ABCA12: variants seen among roughly 807,000 people sequenced by gnomAD.
ABCA12 encodes glucosylceramide transporter ABCA12.
ABCA12 carries 156 observed loss-of-function variants against 293.5 expected under a neutral mutation model. That is an observed-to-expected ratio of 0.53 (90% CI 0.47 to 0.61). The LOEUF (loss-of-function observed/expected upper bound fraction) is 0.61. Among genes scored for constraint, ABCA12 ranks in the 20% least tolerant of loss-of-function variants. The pLI, the probability that ABCA12 is intolerant of heterozygous loss-of-function variation, is 0.00. For missense variants in ABCA12, 2,797 were observed against 3,090.2 expected, an observed-to-expected ratio of 0.91 and a Z score of 2.25; for synonymous variants, 1,063 against 1,108.0, an observed-to-expected ratio of 0.96 and a Z score of 0.81.
At chr2:214,942,788 C>G in intron 50 of ABCA12, 137 bp downstream of exon 50, 1 of 699,426 alleles carries the variant, frequency 1.4e-6, no homozygotes, top group Non-Finnish European at 2.5e-6. Flanking sequence ...TAAGGTGAGT[C>G]AGTGACTAGC....
chr2:215,027,345 CA>C (rs1161249454), intron 9 of ABCA12, among the ~76,000 whole-genome samples: 4 of 148,582 alleles, frequency 2.7e-5, no homozygotes, highest in East Asian at 2.0e-4. Flanking sequence ...GACTCCATCT[CA>C]AAAAAAAAGA....
At chr2:214,995,060 C>G (rs1360098692) in intron 23 of ABCA12, among the ~76,000 whole-genome samples, 1 of 152,048 alleles carries the variant, frequency 6.6e-6, no homozygotes, top group South Asian at 2.1e-4. Flanking sequence ...AGAACAAAAC[C>G]CAATCGAAAG....
chr2:215,045,986 T>G lies in ABCA12; in HGVS notation c.723A>C (p.Ile241=). ...QLSSDPNNQK[I]VFQEIVRMLS... is the part of the protein sequence containing the mutation. The stretch of plus-strand genomic sequence containing the variant: ...GCATTCTGACTATTTCCTGAAACAC[T>G]ATCTTCTGATTGTTGGGGTCACTGG... Residue 241 remains isoleucine (I), a synonymous_variant, in exon 7 of 53, where the codon ATA becomes ATC. Coordinates refer to ENST00000272895, the MANE Select transcript of ABCA12 (RefSeq NM_173076.3). The G allele has an allele frequency of 6.2e-7, 1 of 1,613,660 alleles. No individual in the cohort carries two copies.
chr2:214,983,083 A>G (rs1699704743), intron 29 of ABCA12, among the ~76,000 whole-genome samples: 1 of 152,210 alleles, frequency 6.6e-6, no homozygotes, highest in Non-Finnish European at 1.5e-5. Flanking sequence ...GAGCAGGCCT[A>G]GGACAGTCAC....
At chr2:215,123,355 G>T (rs1243208603) in intron 1 of ABCA12, among the ~76,000 whole-genome samples, 2 of 151,928 alleles carry the variant, frequency 1.3e-5, no homozygotes, top group Admixed American at 1.3e-4. Context: ...ATTTTTAGTA[G>T]ATATGGGGTT....
At chr2:215,079,942 G>A (rs1701905771) in intron 2 of ABCA12, among the ~76,000 whole-genome samples, 1 of 152,096 alleles carries the variant, frequency 6.6e-6, no homozygotes. Flanking sequence ...TAGACTAATG[G>A]CTACCATTTA....
chr2:215,057,888 C>T (rs2030628), intron 3 of ABCA12, among the ~76,000 whole-genome samples: 97,454 of 151,858 alleles, frequency 0.64, 31,910 homozygotes, highest in African/African-American at 0.77. Flanking sequence ...TATCATCTTA[C>T]ATCGTACCTA....
At chr2:215,104,095 G>C (rs1702414358) in intron 2 of ABCA12, among the ~76,000 whole-genome samples, 1 of 152,084 alleles carries the variant, frequency 6.6e-6, no homozygotes, top group African/African-American at 2.4e-5. Context: ...TCTGACAAAA[G>C]GCCCTCTGCT....
intron 51 of ABCA12, 48 bp downstream of exon 51, chr2:214,937,462 T>A (rs1698256266): frequency 6.8e-7 from 1 of 1,477,442 alleles, no homozygotes; most frequent in African/African-American, 1.4e-5. Flanking sequence ...ACTCCCAAAG[T>A]GCTGGGATTA....
intron 48 of ABCA12, among the ~76,000 whole-genome samples, chr2:214,946,864 G>A (rs1304298473): frequency 6.6e-6 from 1 of 151,966 alleles, no homozygotes; most frequent in Non-Finnish European, 1.5e-5. Context: ...ATGTAAATGT[G>A]GAATGCATTT....
intron 22 of ABCA12, among the ~76,000 whole-genome samples, chr2:214,998,995 T>A (rs950372386): frequency 2.6e-5 from 4 of 152,108 alleles, no homozygotes; most frequent in African/African-American, 7.2e-5. Flanking sequence ...AAAATGTAAA[T>A]ATTAATGAAG....
chr2:215,108,963 G>C (rs1297429499), intron 2 of ABCA12, among the ~76,000 whole-genome samples: 1 of 151,908 alleles, frequency 6.6e-6, no homozygotes, highest in Non-Finnish European at 1.5e-5. Context: ...AGCTACTCAG[G>C]AGGCTGAGGC....
intron 14 of ABCA12, chr2:215,017,787 GACA>G (rs1285185122): frequency 3.0e-5 from 17 of 569,676 alleles, no homozygotes; most frequent in Non-Finnish European, 9.1e-6. Context: ...CATGGGAAAG[GACA>G]AGGAAAAATA....
intron 36 of ABCA12, 31 bp downstream of exon 36, chr2:214,973,917 TC>T: frequency 6.4e-7 from 1 of 1,554,026 alleles, no homozygotes. Context: ...CCCGTATTTT[TC>T]CCATTTCACT....
intron 8 of ABCA12, among the ~76,000 whole-genome samples, chr2:215,035,221 CATT>C (rs1700966436): frequency 6.6e-6 from 1 of 152,168 alleles, no homozygotes; most frequent in Non-Finnish European, 1.5e-5. Flanking sequence ...TAGGAATTGA[CATT>C]AATACATCTG....
At chr2:214,975,708 A>T in intron 34 of ABCA12, 77 bp downstream of exon 34, 1 of 1,576,830 alleles carries the variant, frequency 6.3e-7, no homozygotes, top group African/African-American at 1.3e-5. Flanking sequence ...TCCAGATCTC[A>T]TGGCCTTCAT....
At chr2:215,025,865 AT>A in intron 10 of ABCA12, 86 bp from the exon 11 acceptor site, 1 of 891,252 alleles carries the variant, frequency 1.1e-6, no homozygotes, top group Non-Finnish European at 1.8e-6. Flanking sequence ...ATCCTGACTT[AT>A]TACTAAATTT....
chr2:215,119,286 T>A (rs939918237), intron 1 of ABCA12, among the ~76,000 whole-genome samples: 2 of 152,220 alleles, frequency 1.3e-5, no homozygotes, highest in Admixed American at 6.5e-5. Context: ...TTTCTTTTGC[T>A]GGGTAGAAGC....
In ABCA12 at chr2:214,983,775, C is replaced by T. The variant is rs772794113; in HGVS notation, c.4254G>A (p.Lys1418=). ...CGTGCTGCATACAGACTCCCATGTT[C>T]TTCCGTACCGTGTGTAGGTCTGTTT... ...DIKTDLHTVR[K]NMGVCMQHDV... The change falls in exon 29 of 53, where the codon AAG becomes AAA. Residue 1418 remains lysine, a synonymous_variant. Transcript: ENST00000272895. 25 of 1,614,008 alleles carry T rather than the reference C, an allele frequency of 1.5e-5. No individual in the cohort carries two copies. The highest frequency in any genetic ancestry group is 2.5e-6 in the Non-Finnish European group (3 of 1,180,028).
Sources: gnomAD v4.1 joint callset for allele counts (sites outside exome capture counted in the v4.1 genomes callset) on GRCh38, gnomAD v4.1.1 for gene constraint, MANE v1.5 for transcripts, NCBI Gene and HGNC (gene_info 2026-07-23, HGNC 2026-07-21) for gene names.